The following PAOX variants were observed in gnomAD, a reference collection of about 807,000 sequenced individuals.
The protein encoded by PAOX is polyamine oxidase, also known as peroxisomal N(1)-acetyl-spermine/spermidine oxidase.
A neutral mutation model predicts 39.0 loss-of-function variants in PAOX; 38 were observed. That is an observed-to-expected ratio of 0.97 (90% CI 0.75 to 1.28). The LOEUF is 1.28. Among genes scored for constraint, PAOX ranks in the 50% most tolerant of loss-of-function variants. The pLI is 0.00. For synonymous variants in PAOX, 311 were observed against 314.4 expected (o/e 0.99, Z 0.11); for missense variants, 667 against 685.7 (o/e 0.97, Z 0.30).
intron 5 of PAOX, 66 bp downstream of exon 5, chr10:133,389,134 C>T (rs567654446): frequency 1.6e-5 from 21 of 1,319,410 alleles, no homozygotes; most frequent in South Asian, 1.5e-4. Flanking sequence ...TAAACAGAAA[C>T]TAGACTTTGC....
intron 1 of PAOX, 131 bp from the exon 2 acceptor site, chr10:133,379,868 C>T: frequency 1.6e-6 from 2 of 1,248,798 alleles, no homozygotes; most frequent in East Asian, 2.4e-5. Flanking sequence ...CCCTGGGGGA[C>T]CACAGGGCCC....
Position 133,384,338 on chromosome 10 carries a change from G to A in PAOX, c.1121+126G>A, listed in dbSNP as rs1229459811. 5.0e-6 allele frequency: 7 copies of A among 1,414,086 alleles called. No individual in the cohort carries two copies. In the East Asian group the frequency reaches 1.2e-4, roughly 23 times the overall value. The allele number at this position is 1,414,086 out of a possible 1,614,324, so 87.6% of individuals were successfully genotyped here. ...GGGGTTTAATGGGTAGGGTTCCCAT[G>A]AGCGCCCCCCCACCAGGTGCTGGCT... On this transcript the variant is annotated intron_variant, in intron 4 of 6. Transcript: ENST00000278060. This position sits in a 1 kb window ranked among gnomAD's most constrained non-coding sequence, Gnocchi z 4.3.
intron 3 of PAOX, 26 bp downstream of exon 3, chr10:133,381,685 C>G: frequency 6.2e-7 from 1 of 1,609,630 alleles, no homozygotes; most frequent in Non-Finnish European, 8.5e-7. Flanking sequence ...AGCCCAAACC[C>G]CCATCCCAAG....
In PAOX at chr10:133,380,351, G is replaced by A. The variant is rs961395791; in HGVS notation, c.534G>A (p.Lys178=). The part of the protein sequence containing the change: ...AGWTEDEETR[K]LKLAVLNSFF... ...GGACAGAGGATGAGGAGACCAGGAA[G>A]CTGAAGCTGGCCGTCCTGAACTCCT... The change falls in exon 2 of 7, where the codon AAG becomes AAA. Residue 178 remains lysine (K), a synonymous_variant. Transcript: ENST00000278060. 3 of 1,612,944 alleles carry A rather than the reference G, an allele frequency of 1.9e-6. No individual in the cohort carries two copies. In the Admixed American group the frequency reaches 5.0e-5, roughly 27 times the overall value.
chr10:133,388,174 A>G (rs10776678), intron 4 of PAOX, among the ~76,000 whole-genome samples: 150,598 of 152,338 alleles, frequency 0.99, 74,464 homozygotes, highest in East Asian at 1. Context: ...AGAGGCAGGG[A>G]TATACGTGCA....
rs1218472916 is a variant in PAOX at position 133,391,294 on chromosome 10, C to G, written c.1393-18C>G. ...GTCTGAATTGCATCCCCATTCTAAC[C>G]CTGGCTCTTCTTTGCAGCTCCAGAT... On this transcript the variant is annotated intron_variant, in intron 6 of 6. Transcript: ENST00000278060. 6.2e-7 allele frequency: 1 copy of G among 1,611,210 alleles called. No individual in the cohort carries two copies. The highest frequency in any genetic ancestry group is 8.5e-7 in the Non-Finnish European group (1 of 1,178,166).
intron 1 of PAOX, 56 bp from the exon 2 acceptor site, chr10:133,379,942 TC>T: frequency 6.7e-7 from 1 of 1,500,092 alleles, no homozygotes; most frequent in Non-Finnish European, 8.8e-7. Context: ...GGAGAAGGGC[TC>T]GGGGTGACCC....
chr10:133,381,275 G>A (rs1335193364), intron 2 of PAOX, among the ~76,000 whole-genome samples, 185 bp from the exon 3 acceptor site: 6 of 152,248 alleles, frequency 3.9e-5, no homozygotes, highest in Admixed American at 1.3e-4. Flanking sequence ...CAGCCTGGAG[G>A]GCAGGTATGA....
intron 6 of PAOX, among the ~76,000 whole-genome samples, chr10:133,390,436 A>ACG (rs1357426353): frequency 6.6e-6 from 1 of 151,624 alleles, no homozygotes. Context: ...ACACACACAC[A>ACG]CACACACACA....
rs753377166 is a variant in PAOX at position 133,381,598 on chromosome 10, G to A, written c.807G>A (p.Ser269=). The A allele has an allele frequency of 6.4e-5, 104 of 1,613,480 alleles. No homozygotes were observed. The highest frequency in any genetic ancestry group is 8.4e-5 in the Non-Finnish European group (99 of 1,180,020). ...AAFPGETFPV[S]VECEDGDRFP... ...TTCCCGGGGAGACCTTTCCAGTGTC[G>A]GTAGAGTGTGAGGATGGAGACCGGT... Residue 269 remains serine (S), a synonymous_variant, in exon 3 of 7, where the codon TCG becomes TCA. Coordinates refer to ENST00000278060, the MANE Select transcript of PAOX (RefSeq NM_152911.4).
At position 133,380,385 on chromosome 10, in the gene PAOX, C is replaced by T; in HGVS notation, c.568C>T (p.Leu190=). 1.2e-6 allele frequency: 2 copies of T among 1,612,950 alleles called. No homozygotes were observed. The highest frequency in any genetic ancestry group is 1.3e-5 in the African/African-American group (1 of 75,076). Residue 190 remains leucine (L), a synonymous_variant, in exon 2 of 7, where the codon CTG becomes TTG. Transcript: ENST00000278060. Reference sequence around the variant, plus strand: ...GGCCGTCCTGAACTCCTTCTTCAACCTGGAATGCTGTGTGAGCGGCACCCA... The same window carrying T: ...GGCCGTCCTGAACTCCTTCTTCAACTTGGAATGCTGTGTGAGCGGCACCCA... ...KLAVLNSFFN[L]ECCVSGTHSM...
At position 133,385,367 on chromosome 10, in the gene PAOX, G is replaced by A. The variant is rs138261338; in HGVS notation, c.1121+1155G>A. 3.0e-4 allele frequency among the ~76,000 whole-genome samples: 45 copies of A among 152,106 alleles called. 1 individual carries two copies. The highest frequency in any genetic ancestry group is 1.0e-3 in the African/African-American group (43 of 41,508). ...CTGGGTTGCTGGTGGGCAGCCGGGT[G>A]GGTGACTGTGTGTAGAGCCACCTGC... On this transcript the variant is annotated intron_variant, in intron 4 of 6. Transcript: ENST00000278060.
rs1359557908 is a variant in PAOX, at chr10:133,379,361, G to A, written c.45G>A (p.Arg15=). The A allele has an allele frequency of 8.2e-7, 1 of 1,219,386 alleles. No homozygotes were observed. The highest frequency in any genetic ancestry group is 1.0e-6 in the Non-Finnish European group (1 of 980,280). The allele number at this position is 1,219,386 out of a possible 1,614,324, so 75.5% of individuals were successfully genotyped here. A position where few individuals can be genotyped will look rare whatever the true frequency, so the allele number is the denominator to read the frequency against. ...GSVGEAPGGP[R]VLVVGGGIAG... The stretch of plus-strand genomic sequence containing the variant: ...TCGGGGAGGCCCCGGGCGGACCCCG[G>A]GTGCTGGTGGTGGGCGGCGGCATCG... Residue 15 remains arginine (R), a synonymous_variant, in exon 1 of 7, where the codon CGG becomes CGA. Coordinates refer to ENST00000278060, the MANE Select transcript of PAOX (RefSeq NM_152911.4).
intron 3 of PAOX, 60 bp from the exon 4 acceptor site, chr10:133,383,900 A>G (rs1249628431): frequency 2.5e-5 from 39 of 1,553,718 alleles, no homozygotes; most frequent in Admixed American, 1.8e-5. Context: ...AGGTCTGGAC[A>G]GACAGGACTT....
chr10:133,388,420 C>T (rs1182517794), intron 4 of PAOX, among the ~76,000 whole-genome samples: 2 of 152,200 alleles, frequency 1.3e-5, no homozygotes, highest in East Asian at 3.9e-4. Context: ...ATAATGGCCT[C>T]CAGCTCCATC....
At chr10:133,390,907 C>T in intron 6 of PAOX, 1 of 625,036 alleles carries the variant, frequency 1.6e-6, no homozygotes. Context: ...TCTCTAAAAG[C>T]TGTTCACACC....
At chr10:133,389,782 C>G in intron 6 of PAOX, 35 bp downstream of exon 6, 2 of 1,431,218 alleles carry the variant, frequency 1.4e-6, no homozygotes, top group Non-Finnish European at 1.8e-6. Flanking sequence ...GGCGTGGGTC[C>G]CGCTGCAGAG....
chr10:133,381,207 G>T (rs76144422), intron 2 of PAOX, among the ~76,000 whole-genome samples: 419 of 152,356 alleles, frequency 2.8e-3, no homozygotes, highest in Non-Finnish European at 4.5e-3. Flanking sequence ...TGGTAAGGAG[G>T]AAGCCCTGGT....
At position 133,381,655 on chromosome 10, in the gene PAOX, C is replaced by T. The variant is rs1006047527; in HGVS notation, c.864C>T (p.Pro288=). 2 of 1,612,970 alleles carry T rather than the reference C, an allele frequency of 1.2e-6. No homozygotes were observed. Among genetic ancestry groups the T allele is most frequent in the African/African-American group, 1.3e-5 (1 of 75,024 alleles). ...CGCACCATGTCATCGTCACCGTGCC[C>T]TTAGGTAGGTCAGGTTTTCAGCCCA... is the stretch of plus-strand genomic sequence containing the variant. The part of the protein sequence containing the change: ...FPAHHVIVTV[P]LGFLREHLDT... Residue 288 remains proline (P), a synonymous_variant, in exon 3 of 7, where the codon CCC becomes CCT. Coordinates refer to ENST00000278060, the MANE Select transcript of PAOX (RefSeq NM_152911.4).
Sources: gnomAD v4.1 joint callset for allele counts (sites outside exome capture counted in the v4.1 genomes callset) on GRCh38, gnomAD v4.1.1 for gene constraint, Gnocchi (gnomAD v3.1) non-coding constraint, MANE v1.5 for transcripts, NCBI Gene and HGNC (gene_info 2026-07-23, HGNC 2026-07-21) for gene names.